Variants in SLC4A4 observed in about 807,000 individuals in gnomAD.
SLC4A4 encodes the protein solute carrier family 4 member 4.
A neutral mutation model predicts 111.5 loss-of-function variants in SLC4A4; 27 were observed. The observed-to-expected ratio is 0.24, with a 90% CI of 0.18 to 0.33. SLC4A4 has a LOEUF of 0.33. Ranked by LOEUF, SLC4A4 falls within the 10% of genes least tolerant of loss-of-function variation. The probability of loss-of-function intolerance (pLI) is 1.00; values close to 1 mark genes in which losing one functional copy is unlikely to be tolerated. For missense variants in SLC4A4, 909 were observed against 1,315.5 expected (o/e 0.69, Z 4.78); for synonymous variants, 443 against 463.4 (o/e 0.96, Z 0.57).
At chr4:71,375,697 C>A (rs562239603) in intron 6 of SLC4A4, among the ~76,000 whole-genome samples, 57 of 152,188 alleles carry the variant, frequency 3.7e-4, no homozygotes, top group African/African-American at 1.3e-3. Flanking sequence ...ATTTAGGTAT[C>A]CTTTATTGCA....
chr4:71,543,147 G>A (rs900382065), intron 18 of SLC4A4, among the ~76,000 whole-genome samples: 26 of 152,150 alleles, frequency 1.7e-4, no homozygotes, highest in Middle Eastern at 3.2e-3. Flanking sequence ...GACCTAAAAT[G>A]TTAGCAAGAA....
At position 71,473,395 on chromosome 4, in the gene SLC4A4, T is replaced by C. The variant is rs538831348; in HGVS notation, c.1903+425T>C. ...CCTTTAATACATGATTTTAAACTTA[T>C]AGAAGAAAAAGATACTAATCCACTT... On this transcript the variant is annotated intron_variant, in intron 14 of 25. Coordinates refer to ENST00000264485, the MANE Select transcript of SLC4A4 (RefSeq NM_001098484.3). 9.5e-5 allele frequency: 33 copies of C among 348,630 alleles called. No individual in the cohort carries two copies. The South Asian group carries it at 2.7e-3, about 28-fold the overall frequency. The allele number at this position is 348,630 out of a possible 1,614,324, so 21.6% of individuals were successfully genotyped here.
chr4:71,390,754 G>A (rs954642811), intron 6 of SLC4A4, among the ~76,000 whole-genome samples: 6 of 152,044 alleles, frequency 3.9e-5, no homozygotes, highest in African/African-American at 1.4e-4. Flanking sequence ...AAGTTTATGT[G>A]TTTATGCAAA....
At chr4:71,378,354 C>G (rs1158667184) in intron 6 of SLC4A4, among the ~76,000 whole-genome samples, 1 of 152,144 alleles carries the variant, frequency 6.6e-6, no homozygotes, top group African/African-American at 2.4e-5. Context: ...TTATGGAAGG[C>G]CACTGTGCAG....
chr4:71,314,556 G>T (rs1446701317), intron 3 of SLC4A4, among the ~76,000 whole-genome samples: 1 of 152,290 alleles, frequency 6.6e-6, no homozygotes, highest in South Asian at 2.1e-4. Flanking sequence ...AGAAAATGTG[G>T]CACATATACA....
At chr4:71,550,405 A>G (rs952828072) in intron 20 of SLC4A4, among the ~76,000 whole-genome samples, 23 of 151,928 alleles carry the variant, frequency 1.5e-4, no homozygotes, top group Middle Eastern at 3.2e-3. Flanking sequence ...TGAAAAGTCA[A>G]TACAGGAAGA....
intron 3 of SLC4A4, among the ~76,000 whole-genome samples, chr4:71,299,680 AG>A (rs1460160450): frequency 6.6e-6 from 1 of 152,198 alleles, no homozygotes; most frequent in Non-Finnish European, 1.5e-5. Context: ...TGGAGAGGGC[AG>A]GGGGCATGTC....
chr4:71,346,179 GTTGT>G (rs1417182302), intron 4 of SLC4A4, among the ~76,000 whole-genome samples: 1 of 151,898 alleles, frequency 6.6e-6, no homozygotes, highest in East Asian at 1.9e-4. Flanking sequence ...CGAATGAAAT[GTTGT>G]TTGTTTGGCA....
In SLC4A4 at chr4:71,561,844, A is replaced by T. The variant is rs3775158; in HGVS notation, c.3099+1590A>T. Among the ~76,000 whole-genome samples the T allele has an allele frequency of 1.5e-3, 230 of 152,014 alleles. 4 individuals are homozygous for T. The East Asian group carries it at 0.039, about 26-fold the overall frequency. ...CCTGAAATATTAAAATAATTAAAGC[A>T]GTATTTTGTCCAAAATAAATATGTC... On this transcript the variant is annotated intron_variant, in intron 23 of 25. Coordinates refer to ENST00000264485, the MANE Select transcript of SLC4A4 (RefSeq NM_001098484.3).
At chr4:71,284,615 A>G (rs928734012) in intron 3 of SLC4A4, among the ~76,000 whole-genome samples, 1 of 152,134 alleles carries the variant, frequency 6.6e-6, no homozygotes, top group South Asian at 2.1e-4. Context: ...CCTTCAAGTC[A>G]TTGCTAATAA....
chr4:71,256,498 A>G (rs1721461037), intron 3 of SLC4A4, among the ~76,000 whole-genome samples: 1 of 152,196 alleles, frequency 6.6e-6, no homozygotes, highest in African/African-American at 2.4e-5. Flanking sequence ...CAGGTGGACC[A>G]TCGAATTAAA....
At chr4:71,427,800 AC>A (rs1443518893) in intron 7 of SLC4A4, among the ~76,000 whole-genome samples, 3 of 152,114 alleles carry the variant, frequency 2.0e-5, no homozygotes, top group African/African-American at 7.2e-5. Context: ...TAGGCTTACA[AC>A]CATCCACACA....
intron 3 of SLC4A4, among the ~76,000 whole-genome samples, chr4:71,258,704 T>C (rs760334689): frequency 1.3e-5 from 2 of 152,210 alleles, no homozygotes; most frequent in African/African-American, 2.4e-5. Context: ...TGGAACATCG[T>C]ATTTATATTT....
At chr4:71,231,854 G>C (rs1198876633) in intron 1 of SLC4A4, among the ~76,000 whole-genome samples, 1 of 152,220 alleles carries the variant, frequency 6.6e-6, no homozygotes, top group East Asian at 1.9e-4. Context: ...GGAGGAACTA[G>C]TTGGGTCAGA....
intron 18 of SLC4A4, among the ~76,000 whole-genome samples, chr4:71,535,077 T>C (rs1355533430): frequency 6.6e-6 from 1 of 152,128 alleles, no homozygotes; most frequent in African/African-American, 2.4e-5. Context: ...AGAAGTGAGA[T>C]ATGAATGGTA....
intron 25 of SLC4A4, among the ~76,000 whole-genome samples, chr4:71,567,349 C>T (rs529453278): frequency 5.3e-5 from 8 of 151,792 alleles, no homozygotes; most frequent in South Asian, 4.2e-4. Flanking sequence ...ATTTCAGTAT[C>T]GTCCCTGATT....
intron 16 of SLC4A4, among the ~76,000 whole-genome samples, chr4:71,504,750 A>G (rs1731248545): frequency 6.6e-6 from 1 of 151,350 alleles, no homozygotes; most frequent in Admixed American, 6.6e-5. Context: ...TTCAGGGTAC[A>G]TATACAGGAT....
chr4:71,177,310 T>A (rs1318465679), intron 2 of SLC4A4, among the ~76,000 whole-genome samples: 2 of 152,046 alleles, frequency 1.3e-5, no homozygotes, highest in African/African-American at 4.8e-5. Context: ...AATGACAGGA[T>A]CAAATTCATG....
chr4:71,088,865 A>T (rs1742282404), intron 1 of SLC4A4, among the ~76,000 whole-genome samples: 1 of 151,952 alleles, frequency 6.6e-6, no homozygotes, highest in Non-Finnish European at 1.5e-5. Context: ...ACTTTGGTGA[A>T]TCTGACAATT....
Sources: allele counts gnomAD v4.1 joint callset (sites outside exome capture counted in the v4.1 genomes callset), GRCh38; gene constraint gnomAD v4.1.1; transcripts MANE v1.5; gene names NCBI Gene and HGNC (gene_info 2026-07-23, HGNC 2026-07-21).